Variants in TPRG1 observed in about 807,000 individuals in gnomAD.
The protein encoded by TPRG1 is tumor protein p63 regulated 1, also known as tumor protein p63-regulated gene 1 protein.
TPRG1 carries 29 observed loss-of-function variants against 29.3 expected under a neutral mutation model. The observed-to-expected ratio is 0.99, with a 90% CI of 0.74 to 1.35. The LOEUF is 1.35. Among genes scored for constraint, TPRG1 ranks in the 40% most tolerant of loss-of-function variants. TPRG1 has a pLI of 0.00. For synonymous variants in TPRG1, 130 were observed against 116.8 expected (o/e 1.11, Z -0.73); for missense variants, 327 against 335.0 (o/e 0.98, Z 0.19).
At chr3:189,217,079 C>CT (rs981255346) in intron 3 of TPRG1, among the ~76,000 whole-genome samples, 1 of 152,080 alleles carries the variant, frequency 6.6e-6, no homozygotes, top group East Asian at 1.9e-4. Flanking sequence ...TAGAAATATG[C>CT]TTTTTTTGTT....
chr3:189,039,154 A>G (rs896070105), intron 4 of TPRG1, among the ~76,000 whole-genome samples: 1 of 152,226 alleles, frequency 6.6e-6, no homozygotes, highest in Non-Finnish European at 1.5e-5. Context: ...AGCTATCTAG[A>G]TGAAATAGCA....
At chr3:189,265,578 C>T (rs1713912100) in intron 4 of TPRG1, among the ~76,000 whole-genome samples, 1 of 152,174 alleles carries the variant, frequency 6.6e-6, no homozygotes, top group South Asian at 2.1e-4. Flanking sequence ...ATCTGAAACA[C>T]TAAATAGCTC....
At chr3:189,267,347 C>G (rs185987095) in intron 4 of TPRG1, among the ~76,000 whole-genome samples, 1 of 152,168 alleles carries the variant, frequency 6.6e-6, no homozygotes, top group Non-Finnish European at 1.5e-5. Flanking sequence ...TTAAGTGATG[C>G]ATGACTTTAT....
In TPRG1 at chr3:189,055,488, C is replaced by T. The variant is rs552908716; in HGVS notation, c.-463+31542C>T. ...AGTTTTGGGAAGCGTGTAGGTAGTC[C>T]CAAAAATTTGTCCCAACCAAGGTGC... On this transcript the variant is annotated intron_variant, in intron 4 of 10. Transcript: ENST00000433971. 2.0e-5 allele frequency among the ~76,000 whole-genome samples: 3 copies of T among 152,138 alleles called. No homozygotes were observed. The East Asian group carries it at 5.8e-4, about 29-fold the overall frequency.
In TPRG1 at chr3:189,028,383, G is replaced by C. The variant is rs138172688; in HGVS notation, c.-463+4437G>C. On this transcript the variant is annotated intron_variant, in intron 4 of 10. Transcript: ENST00000433971. The stretch of plus-strand genomic sequence containing the variant: ...GATAAGCCACTGAAGATGACCAATA[G>C]TGTCACAACTATTTCTTCTATGGGG... Among the ~76,000 whole-genome samples, 434 of 152,306 alleles carry C rather than the reference G, an allele frequency of 2.8e-3. 2 individuals carry two copies. Among genetic ancestry groups the C allele is most frequent in the South Asian group, 0.025 (123 of 4,828 alleles).
intron 3 of TPRG1, chr3:189,219,622 C>T (rs1560569022): frequency 1.7e-5 from 22 of 1,288,708 alleles, no homozygotes; most frequent in Non-Finnish European, 2.2e-5. Context: ...TATGGAATTT[C>T]AAAAAGTATG....
chr3:189,133,837 A>G (rs1232374805), intron 3 of TPRG1, among the ~76,000 whole-genome samples: 2 of 152,182 alleles, frequency 1.3e-5, no homozygotes, highest in East Asian at 3.9e-4. Context: ...TGAGGATATT[A>G]ATATAAATAA....
intron 1 of TPRG1, among the ~76,000 whole-genome samples, chr3:189,116,763 G>A (rs1256325890): frequency 6.6e-6 from 1 of 152,172 alleles, no homozygotes; most frequent in African/African-American, 2.4e-5. Context: ...AAGTGGAATG[G>A]TGGTGGATAG....
chr3:189,289,573 G>C (rs959681471), intron 4 of TPRG1, among the ~76,000 whole-genome samples: 1 of 151,878 alleles, frequency 6.6e-6, no homozygotes, highest in Non-Finnish European at 1.5e-5. Context: ...TCTTTCTTTT[G>C]GTTTCTTCAC....
At chr3:189,239,040 A>ATTTC in intron 4 of TPRG1, 131 bp downstream of exon 4, 2 of 718,896 alleles carry the variant, frequency 2.8e-6, no homozygotes, top group Non-Finnish European at 4.3e-6. Context: ...ATGAAAGTTG[A>ATTTC]AATCATTAAA....
At chr3:189,168,202 T>A (rs1190451229), upstream of TPRG1, among the ~76,000 whole-genome samples, 4 of 152,204 alleles carry the variant, frequency 2.6e-5, no homozygotes, top group Non-Finnish European at 4.4e-5. Flanking sequence ...AATGTGTATG[T>A]GGCAAAACAA....
At chr3:189,247,743 C>T (rs34768593) in intron 4 of TPRG1, among the ~76,000 whole-genome samples, 13,549 of 151,798 alleles carry the variant, frequency 0.089, 862 homozygotes, top group Admixed American at 0.18. Flanking sequence ...GTTTTTGCTG[C>T]GTCTTTGAAG....
intron 4 of TPRG1, among the ~76,000 whole-genome samples, chr3:189,300,823 A>T (rs9814157): frequency 0.089 from 13,614 of 152,170 alleles, 909 homozygotes; most frequent in African/African-American, 0.19. Context: ...CAATATTCCT[A>T]CTTTACTAGT....
At chr3:189,082,988 GA>G (rs1349930223) in intron 4 of TPRG1, among the ~76,000 whole-genome samples, 2 of 152,028 alleles carry the variant, frequency 1.3e-5, no homozygotes, top group African/African-American at 4.8e-5. Flanking sequence ...CAGAGCCTAG[GA>G]AAAAGCAGGA....
At chr3:189,243,963 G>A (rs527709851) in intron 4 of TPRG1, among the ~76,000 whole-genome samples, 40 of 152,072 alleles carry the variant, frequency 2.6e-4, no homozygotes, top group Non-Finnish European at 4.4e-4. Context: ...TCATCCTCCT[G>A]TCTTCTTCTG....
chr3:189,212,767 A>T (rs1735469768), intron 2 of TPRG1, among the ~76,000 whole-genome samples: 1 of 152,192 alleles, frequency 6.6e-6, no homozygotes, highest in Non-Finnish European at 1.5e-5. Context: ...GAGTCTGCAG[A>T]GACATTCTTT....
intron 1 of TPRG1, among the ~76,000 whole-genome samples, chr3:189,183,866 G>T (rs1259361456): frequency 6.6e-6 from 1 of 150,884 alleles, no homozygotes; most frequent in Non-Finnish European, 1.5e-5. Flanking sequence ...GTCCTGAGGG[G>T]ACATACATCC....
Position 189,323,264 on chromosome 3 carries a change from A to C in TPRG1, c.*2444A>C, listed in dbSNP as rs1276084770. 6.6e-6 allele frequency: 1 copy of C among 152,090 alleles called. No individual in the cohort carries two copies. Among genetic ancestry groups the C allele is most frequent in the Non-Finnish European group, 1.5e-5 (1 of 68,008 alleles). The allele number at this position is 152,090 out of a possible 1,614,324, so 9.4% of individuals were successfully genotyped here. A position where few individuals can be genotyped will look rare whatever the true frequency, so the allele number is the denominator to read the frequency against. Reference sequence around the variant, plus strand: ...CGGTGACCCTATCATTTTCCAAATAATTGTTGCTAGTACTTAGTTAATTAG... The same window carrying C: ...CGGTGACCCTATCATTTTCCAAATACTTGTTGCTAGTACTTAGTTAATTAG... On this transcript the variant is annotated 3_prime_UTR_variant, in exon 6 of 6. Coordinates refer to ENST00000345063, the MANE Select transcript of TPRG1 (RefSeq NM_198485.4).
upstream of TPRG1, among the ~76,000 whole-genome samples, chr3:189,096,549 G>A (rs539887616): frequency 2.6e-5 from 4 of 152,272 alleles, no homozygotes; most frequent in East Asian, 5.8e-4. Flanking sequence ...CAGCAGTGGT[G>A]CTCAAACATT....
Sources: gnomAD v4.1 joint callset for allele counts (sites outside exome capture counted in the v4.1 genomes callset) on GRCh38, gnomAD v4.1.1 for gene constraint, MANE v1.5 for transcripts, NCBI Gene and HGNC (gene_info 2026-07-23, HGNC 2026-07-21) for gene names.